The following IGSF10 variants were observed in gnomAD, a reference collection of about 807,000 sequenced individuals.
The protein encoded by IGSF10 is immunoglobulin superfamily member 10.
In IGSF10, 126 loss-of-function variants were observed where a neutral mutation model predicts 128.2. That is an observed-to-expected ratio of 0.98 (90% CI 0.85 to 1.14). The LOEUF (loss-of-function observed/expected upper bound fraction) is 1.14, where lower values mean the gene tolerates loss of function less well. Among genes scored for constraint, IGSF10 ranks in the 50% most tolerant of loss-of-function variants. The probability of loss-of-function intolerance (pLI) is 0.00; values close to 1 mark genes in which losing one functional copy is unlikely to be tolerated. For missense variants in IGSF10, 3,295 were observed against 3,149.8 expected (o/e 1.05, Z -1.10); for synonymous variants, 1,185 against 1,146.2 (o/e 1.03, Z -0.68).
In IGSF10 at chr3:151,437,683, T is replaced by A. The variant is rs371260847; in HGVS notation, c.6878A>T (p.His2293Leu). The A allele has an allele frequency of 6.2e-7, 1 of 1,614,090 alleles. No individual in the cohort carries two copies. Among genetic ancestry groups the A allele is most frequent in the East Asian group, 2.2e-5 (1 of 44,900 alleles). Residue 2293 changes from histidine (H) to leucine (L), a missense_variant, in exon 8 of 8, where the codon CAT becomes CTT. His to Leu is a moderately conservative substitution (Grantham distance 99). Coordinates refer to ENST00000282466, the MANE Select transcript of IGSF10 (RefSeq NM_178822.5). ...CCTAATTTCCAAGGTTCCATTTTTA[T>A]GGACTGTGATTCTGCTTCCATAGTA... ...APYYGSRITV[H>L]KNGTLEIRNV...
At chr3:151,617,260 C>CCCTTCTTCTTCT in the IGSF10 span, among the ~76,000 whole-genome samples, 1 of 55,688 alleles carries the variant, frequency 1.8e-5, no homozygotes, top group Non-Finnish European at 3.3e-5. Flanking sequence ...TCTTCTCCTT[C>CCCTTCTTCTTCT]TCTTCTTCTT....
At chr3:151,563,748 G>A in the IGSF10 span, among the ~76,000 whole-genome samples, 2 of 152,092 alleles carry the variant, frequency 1.3e-5, no homozygotes, top group African/African-American at 4.8e-5. Flanking sequence ...TAAGTATTTA[G>A]GAAGTAAAAT....
the IGSF10 span, among the ~76,000 whole-genome samples, chr3:151,498,927 T>C: frequency 1.3e-5 from 2 of 152,168 alleles, no homozygotes; most frequent in Non-Finnish European, 1.5e-5. Flanking sequence ...AAAATGGACA[T>C]TTTGGCTCAT....
the IGSF10 span, among the ~76,000 whole-genome samples, chr3:151,563,352 A>G: frequency 6.6e-6 from 1 of 152,154 alleles, no homozygotes; most frequent in Non-Finnish European, 1.5e-5. Flanking sequence ...TAACAAAATA[A>G]TAAAATGTCC....
the IGSF10 span, among the ~76,000 whole-genome samples, chr3:151,607,706 T>C: frequency 6.6e-6 from 1 of 151,532 alleles, no homozygotes; most frequent in Non-Finnish European, 1.5e-5. Context: ...GGTCAGGAGA[T>C]AGAGACCATC....
At chr3:151,577,572 A>G in the IGSF10 span, among the ~76,000 whole-genome samples, 1 of 152,204 alleles carries the variant, frequency 6.6e-6, no homozygotes. Context: ...TAAAAACTAC[A>G]TATCATATTA....
chr3:151,529,109 C>T, the IGSF10 span, among the ~76,000 whole-genome samples: 5 of 152,252 alleles, frequency 3.3e-5, no homozygotes, highest in South Asian at 8.3e-4. Context: ...GGGCAGACCC[C>T]ATCACAGTTC....
the IGSF10 span, among the ~76,000 whole-genome samples, chr3:151,496,915 TTC>T: frequency 6.6e-6 from 1 of 152,298 alleles, no homozygotes; most frequent in South Asian, 2.1e-4. Context: ...TGATTTGCAT[TTC>T]TCTGATGGCC....
Position 151,453,695 on chromosome 3 carries a change from T to G in IGSF10, c.404A>C (p.His135Pro), listed in dbSNP as rs143943953. 1.1e-4 allele frequency: 173 copies of G among 1,611,802 alleles called. No homozygotes were observed. The highest frequency in any genetic ancestry group is 1.4e-4 in the Non-Finnish European group (163 of 1,178,184). Reference sequence around the variant, plus strand: ...AAACTCAATATTGTTGTGGTCCATGTGCAATCGTGTCAAGCTCCTGAGGCC... The same window carrying G: ...AAACTCAATATTGTTGTGGTCCATGGGCAATCGTGTCAAGCTCCTGAGGCC... ...FYGLRSLTRL[H>P]MDHNNIEFIN... is the part of the protein sequence containing the mutation. Residue 135 changes from histidine to proline, a missense_variant, in exon 5 of 8, where the codon CAC becomes CCC. Physicochemically the swap from His to Pro is moderately conservative, Grantham distance 77. Transcript: ENST00000282466.
At chr3:151,534,161 A>C in the IGSF10 span, among the ~76,000 whole-genome samples, 2 of 152,088 alleles carry the variant, frequency 1.3e-5, no homozygotes, top group Non-Finnish European at 2.9e-5. Flanking sequence ...GAAACAACAG[A>C]TGCTGGAGAA....
chr3:151,481,747 A>G, the IGSF10 span, among the ~76,000 whole-genome samples: 1 of 152,116 alleles, frequency 6.6e-6, no homozygotes, highest in South Asian at 2.1e-4. Context: ...GTGGCTACCT[A>G]TGACCCACGG....
chr3:151,536,346 C>T, the IGSF10 span, among the ~76,000 whole-genome samples: 8 of 152,196 alleles, frequency 5.3e-5, no homozygotes, highest in Admixed American at 1.3e-4. Context: ...GAGGGTGACC[C>T]TCAGTCTGAG....
chr3:151,436,690 C>T lies in IGSF10; in HGVS notation c.7871G>A (p.Ter2624=). The change falls in exon 8 of 8, where the codon TGA becomes TAA. Residue 2624 remains the stop codon, a stop_retained_variant. Coordinates refer to ENST00000282466, the MANE Select transcript of IGSF10 (RefSeq NM_178822.5). ...DYAATYIQVI[*] ...TGTTGTTGACTTTATTATTTCATGT[C>T]AGATTACTTGAATATACGTTGCTGC... 1 of 1,576,318 alleles carries T rather than the reference C, an allele frequency of 6.3e-7. No homozygotes were observed. The highest frequency in any genetic ancestry group is 8.6e-7 in the Non-Finnish European group (1 of 1,160,686).
At chr3:151,609,797 A>C in the IGSF10 span, among the ~76,000 whole-genome samples, 3 of 152,172 alleles carry the variant, frequency 2.0e-5, no homozygotes, top group African/African-American at 7.2e-5. Context: ...TTGGATATAC[A>C]TGTACACAAA....
At position 151,437,916 on chromosome 3, in the gene IGSF10, G is replaced by T. The variant is rs766444683; in HGVS notation, c.6645C>A (p.Ala2215=). ...TGGTGTCATCCCCACTGGGATTTCG[G>T]GCTACACATACGTACTCTCCAGAAT... ...LLDSGEYVCV[A]RNPSGDDTKM... The change falls in exon 8 of 8, where the codon GCC becomes GCA. Residue 2215 remains alanine, a synonymous_variant. Transcript: ENST00000282466. The T allele has an allele frequency of 9.9e-6, 16 of 1,614,070 alleles. No homozygotes were observed. The highest frequency in any genetic ancestry group is 1.3e-5 in the Non-Finnish European group (15 of 1,179,962).
At chr3:151,561,076 A>G in the IGSF10 span, among the ~76,000 whole-genome samples, 1 of 152,140 alleles carries the variant, frequency 6.6e-6, no homozygotes, top group Non-Finnish European at 1.5e-5. Context: ...TCTGGTTAGC[A>G]TTTTTGGAAG....
At chr3:151,531,418 T>C in the IGSF10 span, among the ~76,000 whole-genome samples, 1 of 152,202 alleles carries the variant, frequency 6.6e-6, no homozygotes, top group Middle Eastern at 3.4e-3. Flanking sequence ...ATTCTAAAAC[T>C]GAACACATAA....
chr3:151,467,536 G>C, the IGSF10 span, among the ~76,000 whole-genome samples: 1 of 152,264 alleles, frequency 6.6e-6, no homozygotes, highest in African/African-American at 2.4e-5. Flanking sequence ...CAAACCTGAG[G>C]AGGGTATTAA....
chr3:151,593,015 T>C, the IGSF10 span, among the ~76,000 whole-genome samples: 3 of 152,230 alleles, frequency 2.0e-5, no homozygotes, highest in Non-Finnish European at 4.4e-5. Context: ...CAGTAGCACA[T>C]AACTGCTTTG....
Sources: gnomAD v4.1 joint callset for allele counts (sites outside exome capture counted in the v4.1 genomes callset) on GRCh38, gnomAD v4.1.1 for gene constraint, MANE v1.5 for transcripts, NCBI Gene and HGNC (gene_info 2026-07-23, HGNC 2026-07-21) for gene names.